The following PHKG1 variants were observed in gnomAD, a reference collection of about 807,000 sequenced individuals.
PHKG1 encodes the protein phosphorylase kinase catalytic subunit gamma 1, also known as phosphorylase b kinase gamma catalytic chain, skeletal muscle/heart isoform.
PHKG1 carries 48 observed loss-of-function variants against 50.5 expected under a neutral mutation model. That is an observed-to-expected ratio of 0.95 (90% confidence interval 0.75 to 1.21). The LOEUF (loss-of-function observed/expected upper bound fraction) is 1.21. Among genes scored for constraint, PHKG1 ranks in the 50% most tolerant of loss-of-function variants. The pLI is 0.00. For missense variants in PHKG1, 487 were observed against 519.5 expected (o/e 0.94, Z 0.61); for synonymous variants, 204 against 212.8 (o/e 0.96, Z 0.36).
intron 4 of PHKG1, among the ~76,000 whole-genome samples, 175 bp from the exon 5 acceptor site, chr7:56,083,890 C>T (rs1349381225): frequency 1.3e-5 from 2 of 152,170 alleles, no homozygotes; most frequent in African/African-American, 4.8e-5. Flanking sequence ...TCTGGAAGAA[C>T]TGGGAGAAAA....
chr7:56,088,961 G>A lies in PHKG1; in HGVS notation c.-20C>T, dbSNP rs201539090. On this transcript the variant is annotated 5_prime_UTR_variant, in exon 2 of 10. Coordinates refer to ENST00000297373, the MANE Select transcript of PHKG1 (RefSeq NM_006213.5). ...GGTCATGCTCAGATCTTCAGTGAGGGAACTCTGGGTGGCTCTGAGAGGGGA... is the reference window on the plus strand; with the variant it reads ...GGTCATGCTCAGATCTTCAGTGAGGAAACTCTGGGTGGCTCTGAGAGGGGA... 18 of 1,579,940 alleles carry A rather than the reference G, an allele frequency of 1.1e-5. No homozygotes were observed. In the East Asian group the frequency reaches 2.5e-4, roughly 22 times the overall value.
chr7:56,090,707 G>A (rs1796463373), intron 1 of PHKG1, among the ~76,000 whole-genome samples: 1 of 152,164 alleles, frequency 6.6e-6, no homozygotes, highest in Non-Finnish European at 1.5e-5. Flanking sequence ...GTGAGTCAAG[G>A]GTTGGGCAGG....
chr7:56,088,655 C>T, intron 2 of PHKG1: 1 of 497,478 alleles, frequency 2.0e-6, no homozygotes, highest in Non-Finnish European at 3.6e-6. Context: ...TTGCGCCTGC[C>T]CCTGGGAACT....
chr7:56,083,364 T>G lies in PHKG1; in HGVS notation c.461A>C (p.Glu154Ala), dbSNP rs370010768. Residue 154 changes from glutamate to alanine, a missense_variant, in exon 6 of 10, where the codon GAG becomes GCG. Glu to Ala is a moderately radical substitution (Grantham distance 107). Coordinates refer to ENST00000297373, the MANE Select transcript of PHKG1 (RefSeq NM_006213.5). ...LNIVHRDLKP[E>A]NILLDDNMNI... ...CATGTTGTCATCCAAGAGAATGTTC[T>G]CGGGCTTCAGGTCCCGGTGCACGAT... The G allele has an allele frequency of 4.4e-5, 71 of 1,614,042 alleles. No individual in the cohort carries two copies. Among genetic ancestry groups the G allele is most frequent in the Non-Finnish European group, 5.8e-5 (68 of 1,180,042 alleles).
rs529818565 is a variant in PHKG1 at position 56,081,929 on chromosome 7, G to C, written c.756C>G (p.Pro252=). ...IMSGNYQFGS[P]EWDDYSDTVK... The stretch of plus-strand genomic sequence containing the variant: ...CGGTGTCCGAGTAATCATCCCACTC[G>C]GGCGAGCCAAACTGGTAGTTGCCGC... The change falls in exon 8 of 10, where the codon CCC becomes CCG. Residue 252 remains proline (P), a synonymous_variant. Transcript: ENST00000297373. This position sits in a 1 kb window ranked among gnomAD's most constrained non-coding sequence, Gnocchi z 4.6. The C allele has an allele frequency of 2.5e-6, 4 of 1,613,734 alleles. No individual in the cohort carries two copies. In the South Asian group the frequency reaches 4.4e-5, roughly 18 times the overall value.
chr7:56,083,861 C>CCCTCA (rs1796138037), intron 4 of PHKG1, 146 bp from the exon 5 acceptor site: 1 of 663,052 alleles, frequency 1.5e-6, no homozygotes, highest in African/African-American at 1.8e-5. Flanking sequence ...GGGAGAGGAG[C>CCCTCA]CGGGGAAGTG....
Position 56,081,809 on chromosome 7 carries a change from T to C in PHKG1, c.793-54A>G, listed in dbSNP as rs1796011058. ...ATGTCAAGGCAGGTCCCCTCCAGCA[T>C]GTCAGGAAAGGCAGGGCCTCCCCGG... is the stretch of plus-strand genomic sequence containing the variant. On this transcript the variant is annotated intron_variant, in intron 8 of 9. Transcript: ENST00000297373. The surrounding 1 kb of genome is among the most constrained non-coding windows in gnomAD (Gnocchi z 4.6). 1 of 1,608,540 alleles carries C rather than the reference T, an allele frequency of 6.2e-7. No homozygotes were observed. The highest frequency in any genetic ancestry group is 1.3e-5 in the African/African-American group (1 of 74,848).
At chr7:56,084,860 A>G (rs1796188830) in intron 4 of PHKG1, among the ~76,000 whole-genome samples, 1 of 152,184 alleles carries the variant, frequency 6.6e-6, no homozygotes, top group East Asian at 1.9e-4. Flanking sequence ...GCAGCATTAA[A>G]AATAGCTTCC....
rs1456584561 is a variant in PHKG1, at chr7:56,083,655, T to A, written c.378A>T (p.Glu126Asp). The change falls in exon 5 of 10, where the codon GAA (glutamate) becomes GAT (aspartate). Residue 126 changes from glutamate to aspartate, a missense_variant. By Grantham distance (45) the Glu-to-Asp change is conservative (BLOSUM62 2). Coordinates refer to ENST00000297373, the MANE Select transcript of PHKG1 (RefSeq NM_006213.5). ...AAGGGCAAAGGGACCCTCACCTGGT[T>A]TCCTTCTCACTCAAGGTGACCTTCT... Reference protein sequence around the residue: ...LTEKVTLSEKETRKIMRALLE... With the variant: ...LTEKVTLSEKDTRKIMRALLE... The A allele has an allele frequency of 1.9e-6, 3 of 1,581,962 alleles. No homozygotes were observed. Among genetic ancestry groups the A allele is most frequent in the Non-Finnish European group, 2.6e-6 (3 of 1,161,034 alleles).
chr7:56,083,152 T>G, intron 6 of PHKG1, 126 bp downstream of exon 6: 1 of 822,876 alleles, frequency 1.2e-6, no homozygotes, highest in Non-Finnish European at 1.9e-6. Flanking sequence ...CCCTAGCCCT[T>G]GAAATGGTGG....
intron 4 of PHKG1, chr7:56,086,765 G>A (rs1584627892): frequency 3.5e-6 from 2 of 574,600 alleles, no homozygotes; most frequent in East Asian, 5.7e-5. Context: ...AAGATTTAAA[G>A]AAATGATCCA....
intron 4 of PHKG1, chr7:56,084,065 C>T: frequency 1.4e-6 from 1 of 737,956 alleles, no homozygotes; most frequent in South Asian, 1.7e-5. Context: ...TCCCCAGGTT[C>T]CCATTACCCT....
rs757254297 is a variant in PHKG1 at position 56,083,383 on chromosome 7, G to C, written c.442C>G (p.His148Asp). The C allele has an allele frequency of 1.1e-4, 172 of 1,614,028 alleles. No homozygotes were observed. The highest frequency in any genetic ancestry group is 1.4e-4 in the Non-Finnish European group (162 of 1,180,024). Reference sequence around the variant, plus strand: ...ATGTTCTCGGGCTTCAGGTCCCGGTGCACGATGTTGAGTTTGTGCAAGGTG... The same window carrying C: ...ATGTTCTCGGGCTTCAGGTCCCGGTCCACGATGTTGAGTTTGTGCAAGGTG... ...ICTLHKLNIV[H>D]RDLKPENILL... Residue 148 changes from histidine (H) to aspartate (D), a missense_variant, in exon 6 of 10, where the codon CAC (histidine) becomes GAC (aspartate). Coordinates refer to ENST00000297373, the MANE Select transcript of PHKG1 (RefSeq NM_006213.5).
At position 56,087,754 on chromosome 7, in the gene PHKG1, G is replaced by A. The variant is rs552608919; in HGVS notation, c.106C>T (p.Arg36Ter). 8.7e-6 allele frequency: 14 copies of A among 1,612,620 alleles called. No homozygotes were observed. Among genetic ancestry groups the A allele is most frequent in the Admixed American group, 6.7e-5 (4 of 60,002 alleles). Reference sequence around the variant, plus strand: ...TGGCTCGTGGGCTTGTGGATGCATCGCCTGACCACACTGCTAACGCCCCTG... The same window carrying A: ...TGGCTCGTGGGCTTGTGGATGCATCACCTGACCACACTGCTAACGCCCCTG... Reference protein sequence around the residue: ...LGRGVSSVVRRCIHKPTSQEY... With the variant: ...LGRGVSSVVR The change falls in exon 3 of 10, where the codon CGA (arginine) becomes TGA (stop). Residue 36 changes from arginine to a stop codon, truncating the protein, a stop_gained. Coordinates refer to ENST00000297373, the MANE Select transcript of PHKG1 (RefSeq NM_006213.5). LOFTEE classifies it high-confidence loss of function.
chr7:56,087,709 T>C lies in PHKG1; in HGVS notation c.151A>G (p.Ile51Val). Residue 51 changes from isoleucine (I) to valine (V), a missense_variant, in exon 3 of 10, where the codon ATC becomes GTC. Ile to Val is a conservative substitution (Grantham distance 29, BLOSUM62 3). Coordinates refer to ENST00000297373, the MANE Select transcript of PHKG1 (RefSeq NM_006213.5). ...PTSQEYAVKVIDVTGGGSFSP... is the reference protein window; with the variant it reads ...PTSQEYAVKVVDVTGGGSFSP... ...AAGCTGCCTCCACCGGTGACGTCGATGACCTTCACGGCGTACTCCTGGCTC... is the reference window on the plus strand; with the variant it reads ...AAGCTGCCTCCACCGGTGACGTCGACGACCTTCACGGCGTACTCCTGGCTC... The C allele has an allele frequency of 6.2e-7, 1 of 1,613,924 alleles. No homozygotes were observed. Among genetic ancestry groups the C allele is most frequent in the East Asian group, 2.2e-5 (1 of 44,860 alleles).
intron 1 of PHKG1, among the ~76,000 whole-genome samples, chr7:56,089,429 G>A (rs948230511): frequency 1.0e-5 from 1 of 99,510 alleles, no homozygotes; most frequent in African/African-American, 3.7e-5. Flanking sequence ...TAGAGATGGG[G>A]TCATGCTCTG....
chr7:56,084,232 A>G (rs1796153076), intron 4 of PHKG1: 1 of 1,528,688 alleles, frequency 6.5e-7, no homozygotes, highest in Non-Finnish European at 8.8e-7. Flanking sequence ...CCATTGTATC[A>G]GTGTCTTCCC....
At chr7:56,087,568 C>T (rs769571583) in intron 3 of PHKG1, 30 bp downstream of exon 3, 1 of 1,598,578 alleles carries the variant, frequency 6.3e-7, no homozygotes, top group African/African-American at 1.3e-5. Context: ...AGGGGGGCAC[C>T]CTGCCGTGTG....
intron 3 of PHKG1, 113 bp from the exon 4 acceptor site, chr7:56,087,137 G>C (rs12538857): frequency 0.04 from 31,504 of 785,652 alleles, 1,634 homozygotes; most frequent in East Asian, 0.23. Context: ...AAAGCTGACA[G>C]GGGAATCAGG....
Sources: allele counts gnomAD v4.1 joint callset (sites outside exome capture counted in the v4.1 genomes callset), GRCh38; gene constraint gnomAD v4.1.1; non-coding constraint Gnocchi (gnomAD v3.1); transcripts MANE v1.5; gene names NCBI Gene and HGNC (gene_info 2026-07-23, HGNC 2026-07-21).